CASQ2: variants seen among roughly 807,000 people sequenced by gnomAD.
CASQ2 encodes the protein calsequestrin 2.
Under a neutral mutation model 46.5 loss-of-function variants are expected in CASQ2, and 49 were observed. That is an observed-to-expected ratio of 1.05 (90% CI 0.84 to 1.34). The LOEUF (loss-of-function observed/expected upper bound fraction) is 1.34, where lower values mean the gene tolerates loss of function less well. CASQ2 is among the 40% of genes most tolerant of loss of function. CASQ2 has a pLI of 0.00. For synonymous variants in CASQ2, 174 were observed against 168.5 expected (o/e 1.03, Z -0.25); for missense variants, 486 against 481.3 (o/e 1.01, Z -0.09).
At chr1:115,766,994 C>G (rs1388084373) in intron 1 of CASQ2, among the ~76,000 whole-genome samples, 1 of 151,932 alleles carries the variant, frequency 6.6e-6, no homozygotes, top group Non-Finnish European at 1.5e-5. Flanking sequence ...TACTGGCCAC[C>G]CAAAGGCATT....
At chr1:115,715,320 A>T (rs150638507) in intron 8 of CASQ2, among the ~76,000 whole-genome samples, 3 of 152,218 alleles carry the variant, frequency 2.0e-5, no homozygotes, top group African/African-American at 7.2e-5. Context: ...GAAAAAGACA[A>T]GAGAGTGCTC....
chr1:115,724,669 C>G (rs955734829), intron 7 of CASQ2, among the ~76,000 whole-genome samples: 1 of 152,184 alleles, frequency 6.6e-6, no homozygotes, highest in Non-Finnish European at 1.5e-5. Flanking sequence ...TGACACAAAC[C>G]TAGAAGACAA....
chr1:115,742,927 A>G (rs1454720828), intron 2 of CASQ2, among the ~76,000 whole-genome samples: 1 of 152,018 alleles, frequency 6.6e-6, no homozygotes, highest in African/African-American at 2.4e-5. Flanking sequence ...TAGTGGGACT[A>G]CAGGCACCCG....
At chr1:115,735,203 G>T (rs769236441) in intron 4 of CASQ2, among the ~76,000 whole-genome samples, 3 of 152,144 alleles carry the variant, frequency 2.0e-5, no homozygotes, top group Admixed American at 6.5e-5. Flanking sequence ...CCACAAAAAG[G>T]TTGTTATTTT....
chr1:115,708,184 A>T (rs1030757560), intron 8 of CASQ2, among the ~76,000 whole-genome samples: 3 of 152,218 alleles, frequency 2.0e-5, no homozygotes, highest in African/African-American at 7.2e-5. Context: ...GTGAAGTCAA[A>T]AGTGTGGCTT....
intron 7 of CASQ2, among the ~76,000 whole-genome samples, chr1:115,719,069 T>C (rs1647271844): frequency 6.6e-6 from 1 of 152,222 alleles, no homozygotes; most frequent in African/African-American, 2.4e-5. Context: ...CAATTGATTT[T>C]AATGCTGGCG....
intron 5 of CASQ2, among the ~76,000 whole-genome samples, chr1:115,731,676 G>C (rs1570823027): frequency 2.0e-5 from 3 of 152,188 alleles, no homozygotes; most frequent in African/African-American, 7.2e-5. Flanking sequence ...AAGTCAGGCT[G>C]GTCTGAGATT....
chr1:115,750,951 G>A (rs1648560132), intron 1 of CASQ2, among the ~76,000 whole-genome samples: 1 of 152,208 alleles, frequency 6.6e-6, no homozygotes, highest in African/African-American at 2.4e-5. Flanking sequence ...TCTCATCTTC[G>A]AATGAATAAA....
At chr1:115,737,011 T>C (rs933046142) in intron 4 of CASQ2, among the ~76,000 whole-genome samples, 2 of 152,182 alleles carry the variant, frequency 1.3e-5, no homozygotes, top group Non-Finnish European at 2.9e-5. Flanking sequence ...CTTGTTTTGC[T>C]TCCCTCTTAT....
intron 1 of CASQ2, among the ~76,000 whole-genome samples, chr1:115,751,907 A>G (rs537301353): frequency 2.0e-5 from 3 of 152,116 alleles, no homozygotes; most frequent in South Asian, 2.1e-4. Flanking sequence ...GGGTCACTCT[A>G]TTTCTTACTT....
At chr1:115,717,975 T>A in intron 7 of CASQ2, 81 bp from the exon 8 acceptor site, 1 of 975,672 alleles carries the variant, frequency 1.0e-6, no homozygotes, top group South Asian at 1.3e-5. Context: ...ACTCAGAAGC[T>A]GGAATGGGAA....
At chr1:115,738,371 CAAG>C in intron 3 of CASQ2, 36 bp from the exon 4 acceptor site, 1 of 1,283,086 alleles carries the variant, frequency 7.8e-7, no homozygotes, top group Non-Finnish European at 1.1e-6. Context: ...CATGTTCAAA[CAAG>C]AGATTTCCTT....
chr1:115,732,918 C>T lies in CASQ2; in HGVS notation c.589G>A (p.Ala197Thr). The T allele has an allele frequency of 6.2e-7, 1 of 1,613,692 alleles. No homozygotes were observed. Among genetic ancestry groups the T allele is most frequent in the Non-Finnish European group, 8.5e-7 (1 of 1,179,730 alleles). ...GTACTTACCCCTTTGTCAAAGGTGG[C>T]AAAGAATTTGATGTAAGGCTGGAAG... is the stretch of plus-strand genomic sequence containing the variant. ...EHFQPYIKFF[A>T]TFDKGVAKKL... Residue 197 changes from alanine (A) to threonine (T), a missense_variant, in exon 5 of 11, where the codon GCC becomes ACC. By Grantham distance (58) the Ala-to-Thr change is moderately conservative (BLOSUM62 0). Transcript: ENST00000261448.
intron 1 of CASQ2, among the ~76,000 whole-genome samples, chr1:115,761,591 GAGGCTAC>G (rs1557807003): frequency 1.3e-5 from 2 of 150,540 alleles, no homozygotes; most frequent in South Asian, 2.2e-4. Flanking sequence ...AAAGCCTGAA[GAGGCTAC>G]AGTCACTCTC....
intron 6 of CASQ2, among the ~76,000 whole-genome samples, chr1:115,726,443 C>T (rs1284829457): frequency 2.0e-5 from 3 of 152,246 alleles, no homozygotes; most frequent in African/African-American, 7.2e-5. Flanking sequence ...CCCACAGAAC[C>T]TGAAATATTT....
intron 5 of CASQ2, among the ~76,000 whole-genome samples, chr1:115,729,371 A>G (rs1361527736): frequency 6.6e-6 from 1 of 151,958 alleles, no homozygotes; most frequent in African/African-American, 2.4e-5. Context: ...CATTCTTATT[A>G]TTCCTATCTT....
intron 7 of CASQ2, among the ~76,000 whole-genome samples, chr1:115,723,505 T>A (rs532096514): frequency 6.6e-6 from 1 of 152,302 alleles, no homozygotes; most frequent in East Asian, 1.9e-4. Flanking sequence ...CACTATTATA[T>A]CTTTTTGCTA....
At position 115,700,797 on chromosome 1, in the gene CASQ2, A is replaced by G. The variant is rs1034176201; in HGVS notation, c.*444T>C. On this transcript the variant is annotated 3_prime_UTR_variant, in exon 11 of 11. Transcript: ENST00000261448. ...CAACTGATGTTCGAGGTATGGAGGGAGCTAAATCATTAATCATGTGTCTTC... is the reference window on the plus strand; with the variant it reads ...CAACTGATGTTCGAGGTATGGAGGGGGCTAAATCATTAATCATGTGTCTTC... 1 of 491,682 alleles carries G rather than the reference A, an allele frequency of 2.0e-6. No individual in the cohort carries two copies. 30.5% of individuals were successfully genotyped at this position (491,682 alleles called of 1,614,324 possible). A position where few individuals can be genotyped will look rare whatever the true frequency, so the allele number is the denominator to read the frequency against.
chr1:115,726,767 G>T (rs945162985), intron 6 of CASQ2, among the ~76,000 whole-genome samples: 1 of 152,322 alleles, frequency 6.6e-6, no homozygotes, highest in African/African-American at 2.4e-5. Context: ...GGGATTTGCT[G>T]ACTGAGGGAT....
Sources: gnomAD v4.1 joint callset for allele counts (sites outside exome capture counted in the v4.1 genomes callset) on GRCh38, gnomAD v4.1.1 for gene constraint, MANE v1.5 for transcripts, NCBI Gene and HGNC (gene_info 2026-07-23, HGNC 2026-07-21) for gene names.